Variants in GAREM2 observed in about 807,000 individuals in gnomAD.
GAREM2 encodes the protein GRB2 associated regulator of MAPK1 subtype 2.
In GAREM2, 30 loss-of-function variants were observed where a neutral mutation model predicts 55.6. The ratio of observed to expected loss-of-function variants is 0.54; its 90% CI spans 0.40 to 0.73. The LOEUF is 0.73. GAREM2 is among the 30% of genes least tolerant of loss of function. GAREM2 has a pLI of 0.00. For synonymous variants in GAREM2, 550 were observed against 569.1 expected (o/e 0.97, Z 0.48); for missense variants, 1,075 against 1,257.7 (o/e 0.85, Z 2.20).
chr2:26,189,795 G>A (rs1669435830), downstream of GAREM2: 1 of 152,258 alleles, frequency 6.6e-6, no homozygotes, highest in Non-Finnish European at 1.5e-5. Flanking sequence ...CATGTCTGTG[G>A]AGGCGGCTGG....
the GAREM2 span, among the ~76,000 whole-genome samples, chr2:26,196,037 G>A: frequency 6.6e-6 from 1 of 152,198 alleles, no homozygotes; most frequent in Non-Finnish European, 1.5e-5. Context: ...GGTACAACAA[G>A]TGATATCTGT....
At chr2:26,192,709 T>G (rs1463117413), downstream of GAREM2, among the ~76,000 whole-genome samples, 3 of 151,944 alleles carry the variant, frequency 2.0e-5, no homozygotes, top group Non-Finnish European at 4.4e-5. Context: ...CACTCCAGCC[T>G]GGGCAACAGT....
rs1480971301 is a variant in GAREM2 at position 26,185,049 on chromosome 2, C to G, written c.1201C>G (p.Pro401Ala). Reference protein sequence around the residue: ...ARAPGPLAPAPAGEGDQEYVS... With the variant: ...ARAPGPLAPAAAGEGDQEYVS... The stretch of plus-strand genomic sequence containing the variant: ...CGCCCCCGGCCCGCTAGCGCCGGCT[C>G]CCGCCGGCGAGGGCGACCAGGAGTA... Residue 401 changes from proline to alanine, a missense_variant, in exon 4 of 6, where the codon CCC becomes GCC. Pro to Ala is a conservative substitution (Grantham distance 27, BLOSUM62 -1). This residue lies in a region of GAREM2 where 515 missense variants were observed against 501.5 expected (regional missense o/e 1.03). Coordinates refer to ENST00000401533, the MANE Select transcript of GAREM2 (RefSeq NM_001168241.2). The G allele has an allele frequency of 1.6e-6, 2 of 1,222,420 alleles. No homozygotes were observed. Among genetic ancestry groups the G allele is most frequent in the Non-Finnish European group, 2.0e-6 (2 of 981,264 alleles). 75.7% of individuals were successfully genotyped at this position (1,222,420 alleles called of 1,614,324 possible).
chr2:26,174,758 T>G (rs766444300), intron 1 of GAREM2, among the ~76,000 whole-genome samples: 8 of 152,204 alleles, frequency 5.3e-5, no homozygotes, highest in Non-Finnish European at 5.9e-5. Context: ...GGTAGGTCCC[T>G]GTGTGCCTGT....
intron 2 of GAREM2, among the ~76,000 whole-genome samples, chr2:26,178,780 G>A (rs1251219960): frequency 6.6e-6 from 1 of 151,724 alleles, no homozygotes; most frequent in African/African-American, 2.4e-5. Context: ...GCGCCCCTGC[G>A]TGCCTGTGTA....
At chr2:26,197,682 C>T in the GAREM2 span, 15 of 1,275,144 alleles carry the variant, frequency 1.2e-5, no homozygotes, top group African/African-American at 7.3e-5. Context: ...TTCTCTGTTC[C>T]GAGTTTACCT....
intron 4 of GAREM2, 124 bp downstream of exon 4, chr2:26,185,400 G>GA: frequency 7.4e-7 from 1 of 1,356,070 alleles, no homozygotes; most frequent in South Asian, 1.6e-5. Flanking sequence ...GGGAAGGGGA[G>GA]AAGGAAAGGG....
chr2:26,192,112 G>C (rs190491479), downstream of GAREM2, among the ~76,000 whole-genome samples: 18 of 152,172 alleles, frequency 1.2e-4, no homozygotes, highest in African/African-American at 4.3e-4. Context: ...CATCAGGAGT[G>C]GTCCTCCTGT....
rs1471896010 is a variant in GAREM2, at chr2:26,188,855, T to TG, written c.*600dup. On this transcript the variant is annotated 3_prime_UTR_variant, in exon 6 of 6. Coordinates refer to ENST00000401533, the MANE Select transcript of GAREM2 (RefSeq NM_001168241.2). The stretch of plus-strand genomic sequence containing the variant: ...GTGAGTCGTGTACAAGCCTAACCCA[T>TG]GGCACCTCAGAGGCTCCACCTGTGG... 1 of 152,218 alleles carries TG rather than the reference T, an allele frequency of 6.6e-6. No homozygotes were observed. Among genetic ancestry groups the TG allele is most frequent in the Non-Finnish European group, 1.5e-5 (1 of 68,074 alleles). The allele number at this position is 152,218 out of a possible 1,614,324, so 9.4% of individuals were successfully genotyped here.
downstream of GAREM2, among the ~76,000 whole-genome samples, chr2:26,194,101 ACAT>A (rs1388070075): frequency 6.6e-6 from 1 of 152,190 alleles, no homozygotes; most frequent in East Asian, 1.9e-4. Context: ...AACAGAAGAA[ACAT>A]CATCAAAGAG....
In GAREM2 at chr2:26,184,240, C is replaced by G; in HGVS notation, c.392C>G (p.Ser131Trp). 1 of 1,549,878 alleles carries G rather than the reference C, an allele frequency of 6.5e-7. No homozygotes were observed. The highest frequency in any genetic ancestry group is 1.2e-5 in the South Asian group (1 of 84,048). ...TGTCTCTGGGATCCCCAGGTGGTGT[C>G]GGGCGAGTTCAGCGAGGACAGCGAG... ...EAITFSVKVV[S>W]GEFSEDSEVY... Residue 131 changes from serine (S) to tryptophan (W), a missense_variant, in exon 4 of 6, where the codon TCG (serine) becomes TGG (tryptophan). Physicochemically the swap from Ser to Trp is radical, Grantham distance 177. Coordinates refer to ENST00000401533, the MANE Select transcript of GAREM2 (RefSeq NM_001168241.2).
chr2:26,187,666 TCCCCCCTCCTCCTGC>T lies in GAREM2; in HGVS notation c.2035_2049del (p.Pro679_Cys683del), dbSNP rs1669326512. 2 of 1,513,768 alleles carry T rather than the reference TCCCCCCTCCTCCTGC, an allele frequency of 1.3e-6. No individual in the cohort carries two copies. The highest frequency in any genetic ancestry group is 4.9e-5 in the East Asian group (2 of 40,426). 93.8% of individuals were successfully genotyped at this position (1,513,768 alleles called of 1,614,324 possible). A position where few individuals can be genotyped will look rare whatever the true frequency, so the allele number is the denominator to read the frequency against. ...CGCCAGGCCAGGCCTATTCAGCTGC[TCCCCCCTCCTCCTGC>T]GCCCCCTCCTCCTCCTCTTCTTCTG... is the stretch of plus-strand genomic sequence containing the variant. On this transcript the variant is annotated inframe_deletion, in exon 6 of 6. Transcript: ENST00000401533.
At chr2:26,175,645 C>T (rs1391657798) in intron 1 of GAREM2, among the ~76,000 whole-genome samples, 1 of 152,142 alleles carries the variant, frequency 6.6e-6, no homozygotes, top group Non-Finnish European at 1.5e-5. Context: ...TTCGAGGTCC[C>T]CTGAACAAGG....
downstream of GAREM2, among the ~76,000 whole-genome samples, chr2:26,193,997 A>G (rs935193991): frequency 6.6e-6 from 1 of 152,244 alleles, no homozygotes; most frequent in Non-Finnish European, 1.5e-5. Flanking sequence ...AAGGACGTTT[A>G]GAGATGACTA....
chr2:26,178,419 C>A (rs555814892), intron 2 of GAREM2, among the ~76,000 whole-genome samples: 2 of 151,902 alleles, frequency 1.3e-5, no homozygotes, highest in Admixed American at 6.6e-5. Context: ...AACCCCCCCC[C>A]CCAACAACAA....
At chr2:26,200,785 T>G in the GAREM2 span, among the ~76,000 whole-genome samples, 1 of 151,016 alleles carries the variant, frequency 6.6e-6, no homozygotes, top group Non-Finnish European at 1.5e-5. Context: ...CAGACTGGAG[T>G]GCAGTGGCGT....
the GAREM2 span, chr2:26,201,136 G>A: frequency 6.3e-7 from 1 of 1,596,508 alleles, no homozygotes; most frequent in Non-Finnish European, 8.6e-7. Flanking sequence ...AAGTACAACA[G>A]CCCCTTGCTT....
chr2:26,195,164 T>C, the GAREM2 span: 3 of 1,612,628 alleles, frequency 1.9e-6, no homozygotes, highest in Non-Finnish European at 2.5e-6. Context: ...CTTTGGAAGT[T>C]TTCTCGGTCG....
intron 1 of GAREM2, among the ~76,000 whole-genome samples, chr2:26,174,703 C>T (rs1436179615): frequency 1.3e-5 from 2 of 152,194 alleles, no homozygotes; most frequent in East Asian, 3.8e-4. Context: ...ATGGCTGGGT[C>T]ACCATCAGGG....
Sources: allele counts gnomAD v4.1 joint callset (sites outside exome capture counted in the v4.1 genomes callset), GRCh38; gene constraint gnomAD v4.1.1; regional missense constraint gnomAD v4.1.1; transcripts MANE v1.5; gene names NCBI Gene and HGNC (gene_info 2026-07-23, HGNC 2026-07-21).